Variants in XPA observed in about 807,000 individuals in gnomAD.
XPA encodes XPA, DNA damage recognition and repair factor, also known as DNA repair protein complementing XP-A cells.
A neutral mutation model predicts 35.7 loss-of-function variants in XPA; 27 were observed. The observed-to-expected ratio is 0.76, with a 90% CI of 0.56 to 1.04. The LOEUF is 1.04. XPA is among the 50% of genes least tolerant of loss of function. The probability of loss-of-function intolerance (pLI) is 0.00; values close to 1 mark genes in which losing one functional copy is unlikely to be tolerated. For missense variants in XPA, 354 were observed against 342.7 expected, an observed-to-expected ratio of 1.03 and a Z score of -0.26; for synonymous variants, 133 against 118.4, an observed-to-expected ratio of 1.12 and a Z score of -0.80.
chr9:97,683,740 G>T (rs1276070362), intron 5 of XPA, among the ~76,000 whole-genome samples: 2 of 152,116 alleles, frequency 1.3e-5, no homozygotes, highest in Non-Finnish European at 2.9e-5. Context: ...TAATGACAAA[G>T]GAAAAACAAA....
chr9:97,675,846 T>C (rs1828348311), intron 5 of XPA: 1 of 534,370 alleles, frequency 1.9e-6, no homozygotes, highest in Admixed American at 3.1e-5. Context: ...GTTATGTGGG[T>C]TGGTGGTATG....
the XPA span, among the ~76,000 whole-genome samples, chr9:97,663,593 C>T: frequency 1.3e-3 from 195 of 151,734 alleles, no homozygotes; most frequent in African/African-American, 4.4e-3. Context: ...CAAGTGATTC[C>T]CCTGCCTCAG....
At chr9:97,694,672 T>C (rs887893104) in intron 1 of XPA, among the ~76,000 whole-genome samples, 1 of 152,218 alleles carries the variant, frequency 6.6e-6, no homozygotes, top group Non-Finnish European at 1.5e-5. Context: ...GATTGGAAAC[T>C]GATATAATCA....
the XPA span, among the ~76,000 whole-genome samples, chr9:97,657,885 GCT>G: frequency 0.011 from 1,291 of 113,952 alleles, 17 homozygotes; most frequent in East Asian, 0.032. Flanking sequence ...GCCCCGGTAA[GCT>G]CTCTCTCTCT....
the XPA span, among the ~76,000 whole-genome samples, chr9:97,665,200 G>A: frequency 6.6e-6 from 1 of 152,226 alleles, no homozygotes; most frequent in African/African-American, 2.4e-5. Context: ...GATAGGGTGT[G>A]ATCTAAGGTT....
chr9:97,657,168 G>C, the XPA span, among the ~76,000 whole-genome samples: 12 of 152,038 alleles, frequency 7.9e-5, no homozygotes, highest in East Asian at 5.8e-4. Flanking sequence ...GGGTTTCACT[G>C]TGTTAGCTGG....
At chr9:97,676,240 C>CA (rs1828362108) in intron 5 of XPA, among the ~76,000 whole-genome samples, 1 of 152,182 alleles carries the variant, frequency 6.6e-6, no homozygotes, top group African/African-American at 2.4e-5. Context: ...CTTTATTTTG[C>CA]AAGTAGGGAA....
At chr9:97,661,192 G>A in the XPA span, 2 of 1,149,234 alleles carry the variant, frequency 1.7e-6, no homozygotes, top group Non-Finnish European at 2.4e-6. Flanking sequence ...TGTTCAGACT[G>A]TTGTTCTTAG....
chr9:97,677,235 C>A (rs1247909969), intron 5 of XPA, among the ~76,000 whole-genome samples: 1 of 152,150 alleles, frequency 6.6e-6, no homozygotes, highest in Admixed American at 6.5e-5. Flanking sequence ...TAGTAAAAGT[C>A]TGTCTGTCTA....
the XPA span, chr9:97,658,541 T>G: frequency 1.1e-6 from 1 of 890,002 alleles, no homozygotes; most frequent in Non-Finnish European, 1.8e-6. Flanking sequence ...GTCAGCTGAG[T>G]TCAAGTTGTT....
At chr9:97,654,860 T>G in the XPA span, 1 of 1,611,550 alleles carries the variant, frequency 6.2e-7, no homozygotes, top group South Asian at 1.1e-5. Context: ...AGAATAGTTT[T>G]CCTTATCCTA....
chr9:97,689,228 T>C lies in XPA; in HGVS notation c.389+306A>G, dbSNP rs142579314. ...ATTAGGGCTGGGTGAAGAGAAGGGT[T>C]AGCAGCCTACTACTGAGAGACGTTA... On this transcript the variant is annotated intron_variant, in intron 3 of 5. Coordinates refer to ENST00000375128, the MANE Select transcript of XPA (RefSeq NM_000380.4). 1.8e-3 allele frequency among the ~76,000 whole-genome samples: 268 copies of C among 152,162 alleles called. 1 individual carries two copies. Among genetic ancestry groups the C allele is most frequent in the African/African-American group, 6.2e-3 (259 of 41,510 alleles).
chr9:97,656,478 T>C, the XPA span, among the ~76,000 whole-genome samples: 1 of 152,038 alleles, frequency 6.6e-6, no homozygotes, highest in Non-Finnish European at 1.5e-5. Flanking sequence ...ACTTGGGAGG[T>C]TGAGGGAGAG....
intron 5 of XPA, among the ~76,000 whole-genome samples, chr9:97,677,237 G>GTC (rs1452852959): frequency 6.6e-6 from 1 of 152,128 alleles, no homozygotes; most frequent in Non-Finnish European, 1.5e-5. Flanking sequence ...GTAAAAGTCT[G>GTC]TCTGTCTAGC....
At chr9:97,660,366 C>A in the XPA span, among the ~76,000 whole-genome samples, 1 of 152,180 alleles carries the variant, frequency 6.6e-6, no homozygotes, top group Non-Finnish European at 1.5e-5. Flanking sequence ...AAGGACTCAA[C>A]TGATACCAAC....
chr9:97,658,519 C>A, the XPA span: 2 of 719,990 alleles, frequency 2.8e-6, no homozygotes, highest in Non-Finnish European at 4.7e-6. Flanking sequence ...TTTTCCCTTT[C>A]ACTTCTTGGT....
At chr9:97,676,326 C>T (rs1348243777) in intron 5 of XPA, among the ~76,000 whole-genome samples, 3 of 152,178 alleles carry the variant, frequency 2.0e-5, no homozygotes, top group Non-Finnish European at 2.9e-5. Flanking sequence ...TCTGCTACTT[C>T]GTGTCAAAAT....
chr9:97,696,162 TCA>T (rs1436842621), intron 1 of XPA, among the ~76,000 whole-genome samples: 1 of 152,210 alleles, frequency 6.6e-6, no homozygotes, highest in East Asian at 1.9e-4. Context: ...GCTGCCAGCC[TCA>T]GACTCTTCTC....
chr9:97,659,632 T>C, the XPA span, among the ~76,000 whole-genome samples: 4 of 152,228 alleles, frequency 2.6e-5, no homozygotes, highest in African/African-American at 9.6e-5. Flanking sequence ...GTGCACTAAC[T>C]GAGTGGCCAT....
Sources: allele counts gnomAD v4.1 joint callset (sites outside exome capture counted in the v4.1 genomes callset), GRCh38; gene constraint gnomAD v4.1.1; transcripts MANE v1.5; gene names NCBI Gene and HGNC (gene_info 2026-07-23, HGNC 2026-07-21).